Variants in ATM observed in about 807,000 individuals in gnomAD.
ATM encodes serine-protein kinase ATM.
ATM carries 308 observed loss-of-function variants against 387.0 expected under a neutral mutation model. The ratio of observed to expected loss-of-function variants is 0.80; its 90% CI spans 0.73 to 0.87. The LOEUF (loss-of-function observed/expected upper bound fraction) is 0.87. Ranked by LOEUF, ATM falls within the 40% of genes least tolerant of loss-of-function variation. The pLI is 0.00. For synonymous variants in ATM, 1,156 were observed against 1,187.3 expected (o/e 0.97, Z 0.54); for missense variants, 3,312 against 3,560.9 (o/e 0.93, Z 1.78).
rs371985921 is a variant in ATM at position 108,248,983 on chromosome 11, T to C, written c.1116T>C (p.Thr372=). The C allele has an allele frequency of 6.2e-7, 1 of 1,612,806 alleles. No homozygotes were observed. Among genetic ancestry groups the C allele is most frequent in the Non-Finnish European group, 8.5e-7 (1 of 1,178,848 alleles). The stretch of plus-strand genomic sequence containing the variant: ...TGGAGATTTCTCAATCTTACACTAC[T>C]ACACAAAGAGAATCTAGTGATTACA... The part of the protein sequence containing the change: ...RSLEISQSYT[T]TQRESSDYSV... The change falls in exon 9 of 63, where the codon ACT becomes ACC. Residue 372 remains threonine, a synonymous_variant. Coordinates refer to ENST00000675843, the MANE Select transcript of ATM (RefSeq NM_000051.4).
intron 16 of ATM, among the ~76,000 whole-genome samples, chr11:108,266,183 A>T (rs368887208): frequency 6.7e-6 from 1 of 148,512 alleles, no homozygotes; most frequent in Non-Finnish European, 1.5e-5. Flanking sequence ...ACACATGCAC[A>T]CGTATGTTTA....
At chr11:108,266,314 A>G (rs12271975) in intron 16 of ATM, among the ~76,000 whole-genome samples, 4,457 of 152,042 alleles carry the variant, frequency 0.029, 224 homozygotes, top group African/African-American at 0.1. Flanking sequence ...ATAAAAAATG[A>G]TGAGTTCATG....
intron 4 of ATM, among the ~76,000 whole-genome samples, chr11:108,232,562 C>CA: frequency 1.3e-5 from 1 of 74,960 alleles, no homozygotes; most frequent in South Asian, 4.6e-4. Flanking sequence ...TTTTTTGAGA[C>CA]AGAGTCTTGC....
chr11:108,258,436 G>T (rs918421191), intron 15 of ATM, among the ~76,000 whole-genome samples: 2 of 152,080 alleles, frequency 1.3e-5, no homozygotes, highest in Non-Finnish European at 2.9e-5. Context: ...TATGCGTAGC[G>T]GGGCTAGTGA....
chr11:108,361,630 T>C (rs7113443), intron 61 of ATM, among the ~76,000 whole-genome samples: 50,042 of 149,830 alleles, frequency 0.33, 9,301 homozygotes, highest in East Asian at 0.54. Flanking sequence ...ACAGAGCCCT[T>C]AGAAATAACG....
intron 60 of ATM, 44 bp from the exon 61 acceptor site, chr11:108,354,767 T>G: frequency 6.7e-7 from 1 of 1,502,400 alleles, no homozygotes; most frequent in Non-Finnish European, 9.3e-7. Context: ...GTTGACAACA[T>G]TGGTGTGTAA....
chr11:108,271,229 T>A, intron 19 of ATM, 22 bp from the exon 20 acceptor site: 1 of 156,266 alleles, frequency 6.4e-6, no homozygotes, highest in Non-Finnish European at 1.3e-5. Context: ...AAAGTTGAAC[T>A]TTTTTTTTTT....
intron 4 of ATM, among the ~76,000 whole-genome samples, chr11:108,233,102 TC>T (rs2079100352): frequency 6.6e-6 from 1 of 152,174 alleles, no homozygotes; most frequent in Non-Finnish European, 1.5e-5. Flanking sequence ...CCTCAAGTGA[TC>T]CACCTGCCTT....
Position 108,261,292 on chromosome 11 carries a change from C to T in ATM, c.2466+2217C>T, listed in dbSNP as rs548904265. 6.3e-3 allele frequency among the ~76,000 whole-genome samples: 961 copies of T among 152,254 alleles called. 11 individuals are homozygous for T. The highest frequency in any genetic ancestry group is 5.7e-3 in the Non-Finnish European group (391 of 68,008). On this transcript the variant is annotated intron_variant, in intron 16 of 62. Transcript: ENST00000675843. ...CAGCACACAGCTGGAGATCTGAGAA[C>T]GGGCAGACTGCCTCCTCAAGTGGGT...
In ATM at chr11:108,332,910, T is replaced by C. The variant is rs730881277; in HGVS notation, c.7927+10T>C. 2.0e-5 allele frequency: 33 copies of C among 1,610,330 alleles called. No individual in the cohort carries two copies. Among genetic ancestry groups the C allele is most frequent in the African/African-American group, 2.7e-5 (2 of 74,876 alleles). ...TGGAAGACTCAGAGAAGTATGTTTT[T>C]TTTAAAGAAGAAACGTTACTTTCTT... is the stretch of plus-strand genomic sequence containing the variant. On this transcript the variant is annotated intron_variant, in intron 53 of 62. Coordinates refer to ENST00000675843, the MANE Select transcript of ATM (RefSeq NM_000051.4).
At chr11:108,350,139 C>A (rs1165668669) in intron 59 of ATM, among the ~76,000 whole-genome samples, 1 of 152,094 alleles carries the variant, frequency 6.6e-6, no homozygotes, top group Non-Finnish European at 1.5e-5. Context: ...ACATGCCAAG[C>A]AGTTTAAGGG....
chr11:108,366,151 ATT>A lies in ATM; in HGVS notation c.*649_*650del. On this transcript the variant is annotated 3_prime_UTR_variant, in exon 63 of 63. Transcript: ENST00000675843. ...CAAAGACACAGTTAGTGTAGTTACT[ATT>A]TTTTTAAGTGTGTATTAAAACTTCT... The A allele has an allele frequency of 5.2e-6, 1 of 193,654 alleles. No individual in the cohort carries two copies. The highest frequency in any genetic ancestry group is 2.3e-5 in the African/African-American group (1 of 43,264). 12.0% of individuals were successfully genotyped at this position (193,654 alleles called of 1,614,324 possible).
chr11:108,278,648 A>G (rs553350943), intron 22 of ATM, among the ~76,000 whole-genome samples: 1 of 152,286 alleles, frequency 6.6e-6, no homozygotes, highest in Non-Finnish European at 1.5e-5. Flanking sequence ...TGCAGAGATC[A>G]CATGGTGAGA....
chr11:108,293,894 A>AATATATATATAT (rs1220002313), intron 31 of ATM, among the ~76,000 whole-genome samples: 1 of 83,708 alleles, frequency 1.2e-5, no homozygotes, highest in Admixed American at 1.6e-4. Flanking sequence ...AAAAAAAAAA[A>AATATATATATAT]ATATATATAT....
chr11:108,364,566 A>C (rs987546814), intron 61 of ATM, among the ~76,000 whole-genome samples: 1 of 152,198 alleles, frequency 6.6e-6, no homozygotes, highest in Non-Finnish European at 1.5e-5. Flanking sequence ...CCAGATTTAG[A>C]ACTGAGAGAA....
chr11:108,262,126 C>G (rs1025687282), intron 16 of ATM, among the ~76,000 whole-genome samples: 1 of 151,920 alleles, frequency 6.6e-6, no homozygotes, highest in South Asian at 2.1e-4. Context: ...TCAGGAAATA[C>G]AGAGAATGCC....
chr11:108,330,468 A>C (rs1460611297), intron 50 of ATM, 47 bp downstream of exon 50: 2 of 1,581,446 alleles, frequency 1.3e-6, no homozygotes, highest in Non-Finnish European at 1.7e-6. Flanking sequence ...TGAAAAACTT[A>C]GACATAAGCC....
rs1565563392 is a variant in ATM, at chr11:108,345,780, T to G, written c.8456T>G (p.Val2819Gly). The G allele has an allele frequency of 6.2e-7, 1 of 1,613,388 alleles. No individual in the cohort carries two copies. The highest frequency in any genetic ancestry group is 8.5e-7 in the Non-Finnish European group (1 of 1,179,556). Residue 2819 changes from valine to glycine, a missense_variant, in exon 58 of 63, where the codon GTC becomes GGC. Transcript: ENST00000675843. ...QKKSFEEKYE[V>G]FMDVCQNFQP... ...AAGTCTTTTGAAGAGAAATATGAAG[T>G]CTTCATGGATGTTTGCCAAAATTTT...
At chr11:108,336,367 T>G (rs991643000) in intron 56 of ATM, 11 of 160,336 alleles carry the variant, frequency 6.9e-5, no homozygotes, top group African/African-American at 2.6e-4. Flanking sequence ...AAATGTTTTC[T>G]GTGAAGGACC....
Sources: allele counts gnomAD v4.1 joint callset (sites outside exome capture counted in the v4.1 genomes callset), GRCh38; gene constraint gnomAD v4.1.1; transcripts MANE v1.5; gene names NCBI Gene and HGNC (gene_info 2026-07-23, HGNC 2026-07-21).